Variants in DCLK3 observed in about 807,000 individuals in gnomAD.
The protein encoded by DCLK3 is doublecortin like kinase 3, also known as serine/threonine-protein kinase DCLK3.
In DCLK3, 30 loss-of-function variants were observed where a neutral mutation model predicts 46.4. That is an observed-to-expected ratio of 0.65 (90% CI 0.48 to 0.88). The LOEUF is 0.88. Among genes scored for constraint, DCLK3 ranks in the 40% least tolerant of loss-of-function variants. The pLI is 0.00. For synonymous variants in DCLK3, 401 were observed against 339.2 expected, an observed-to-expected ratio of 1.18 and a Z score of -2.00; for missense variants, 846 against 907.1, an observed-to-expected ratio of 0.93 and a Z score of 0.87.
At chr3:36,752,730 T>C (rs953618382) in intron 1 of DCLK3, among the ~76,000 whole-genome samples, 3 of 152,208 alleles carry the variant, frequency 2.0e-5, no homozygotes, top group African/African-American at 7.2e-5. Flanking sequence ...CTCACCAGTC[T>C]GGTTTCTTTC....
rs770602955 is a variant in DCLK3, at chr3:36,737,938, T to C, written c.1229A>G (p.Lys410Arg). ...AACTTCCACAAGGTCCTTCTTGGCC[T>C]TGGCTGCTCCCTGAGCATGGCTTTC... ...DQESHAQGAA[K>R]AKKDLVEVLP... is the part of the protein sequence containing the mutation. Residue 410 changes from lysine to arginine, a missense_variant, in exon 2 of 5, where the codon AAG becomes AGG. Physicochemically the swap from Lys to Arg is conservative, Grantham distance 26. This residue lies in a region of DCLK3 where 553 missense variants were observed against 543.0 expected (regional missense o/e 1.02). Coordinates refer to ENST00000636136, the MANE Select transcript of DCLK3 (RefSeq NM_001394672.2). The surrounding 1 kb of genome is among the most constrained non-coding windows in gnomAD (Gnocchi z 4.4). 4 of 1,614,182 alleles carry C rather than the reference T, an allele frequency of 2.5e-6. No individual in the cohort carries two copies. In the South Asian group the frequency reaches 3.3e-5, roughly 13 times the overall value.
At chr3:36,757,408 A>G (rs1188940127) in intron 1 of DCLK3, among the ~76,000 whole-genome samples, 2 of 152,218 alleles carry the variant, frequency 1.3e-5, no homozygotes, top group African/African-American at 4.8e-5. Context: ...ATCTCACATT[A>G]TATGGCATGA....
At chr3:36,759,530 G>C (rs1167536333) in intron 1 of DCLK3, among the ~76,000 whole-genome samples, 1 of 152,202 alleles carries the variant, frequency 6.6e-6, no homozygotes, top group Non-Finnish European at 1.5e-5. Flanking sequence ...CTACCAAGAT[G>C]ATGAAGTTGA....
At position 36,713,675 on chromosome 3, in the gene DCLK3, G is replaced by A. The variant is rs942684618; in HGVS notation, c.*1653C>T. The A allele has an allele frequency of 2.6e-5, 4 of 152,256 alleles. No homozygotes were observed. The highest frequency in any genetic ancestry group is 9.7e-5 in the African/African-American group (4 of 41,448). 9.4% of individuals were successfully genotyped at this position (152,256 alleles called of 1,614,324 possible). On this transcript the variant is annotated 3_prime_UTR_variant, in exon 5 of 5. Transcript: ENST00000636136. The stretch of plus-strand genomic sequence containing the variant: ...AGATTAGCATCCAAAAGGCTTATTA[G>A]GGAGTGGTCTCAGGATCATTACCTC...
Position 36,729,490 on chromosome 3 carries a change from G to T in DCLK3, c.1959+7718C>A, listed in dbSNP as rs979224247. ...CAGCCACACCAAAGTGTCATGCTTG[G>T]AATTCAAGTGGTCTACATTATTTAC... On this transcript the variant is annotated intron_variant, in intron 2 of 4. Transcript: ENST00000636136. 4.7e-4 allele frequency among the ~76,000 whole-genome samples: 72 copies of T among 152,174 alleles called. 1 individual carries two copies. The highest frequency in any genetic ancestry group is 1.6e-3 in the African/African-American group (67 of 41,428).
Position 36,738,826 on chromosome 3 carries a change from A to G in DCLK3, c.341T>C (p.Leu114Pro). The G allele has an allele frequency of 1.2e-6, 1 of 856,842 alleles. No homozygotes were observed. 53.1% of individuals were successfully genotyped at this position (856,842 alleles called of 1,614,324 possible). The change falls in exon 2 of 5, where the codon CTC (leucine) becomes CCC (proline). Residue 114 changes from leucine to proline, a missense_variant. By Grantham distance (98) the Leu-to-Pro change is moderately conservative. Coordinates refer to ENST00000636136, the MANE Select transcript of DCLK3 (RefSeq NM_001394672.2). ...GQRPRKITLLLNRRSVQTFEQ... is the reference protein window; with the variant it reads ...GQRPRKITLLPNRRSVQTFEQ... Reference sequence around the variant, plus strand: ...GAACGTCTGCACTGATCGCCTGTTGAGGAGCAGAGTGATCTTTCGGGGGCG... The same window carrying G: ...GAACGTCTGCACTGATCGCCTGTTGGGGAGCAGAGTGATCTTTCGGGGGCG...
At chr3:36,728,526 G>GTC (rs1486775397) in intron 2 of DCLK3, among the ~76,000 whole-genome samples, 5 of 151,536 alleles carry the variant, frequency 3.3e-5, no homozygotes, top group African/African-American at 4.8e-5. Flanking sequence ...GTGTCTCTCT[G>GTC]TCTCTCTCTC....
intron 2 of DCLK3, among the ~76,000 whole-genome samples, chr3:36,725,512 G>A (rs929164737): frequency 6.6e-6 from 1 of 152,086 alleles, no homozygotes; most frequent in African/African-American, 2.4e-5. Flanking sequence ...AGCTACTTGG[G>A]AGGCTGAGGT....
intron 1 of DCLK3, among the ~76,000 whole-genome samples, chr3:36,762,282 T>C (rs1430626403): frequency 6.6e-6 from 1 of 152,178 alleles, no homozygotes; most frequent in Non-Finnish European, 1.5e-5. Context: ...TTGGATAACA[T>C]AGGAAGAATA....
At chr3:36,743,924 C>A (rs36107363) in intron 1 of DCLK3, among the ~76,000 whole-genome samples, 17 of 152,170 alleles carry the variant, frequency 1.1e-4, no homozygotes, top group South Asian at 2.1e-4. Flanking sequence ...TCTCTGTCCT[C>A]GTAAGTTCGC....
Position 36,729,246 on chromosome 3 carries a change from TG to T in DCLK3, c.1960-7588del, listed in dbSNP as rs1193001094. Among the ~76,000 whole-genome samples, 31 of 42,030 alleles carry T rather than the reference TG, an allele frequency of 7.4e-4. 1 individual carries two copies. Among genetic ancestry groups the T allele is most frequent in the South Asian group, 2.3e-3 (3 of 1,294 alleles). 27.6% of individuals were successfully genotyped at this position (42,030 alleles called of 152,430 possible). On this transcript the variant is annotated intron_variant, in intron 2 of 4. Coordinates refer to ENST00000636136, the MANE Select transcript of DCLK3 (RefSeq NM_001394672.2). The stretch of plus-strand genomic sequence containing the variant: ...AGGGTTTTCCCGGGTTGTGTGTGTG[TG>T]TGGGGGGGGGGGGTACAAAAGCCCC...
At chr3:36,717,691 C>T (rs1701001785) in intron 4 of DCLK3, among the ~76,000 whole-genome samples, 1 of 152,216 alleles carries the variant, frequency 6.6e-6, no homozygotes, top group African/African-American at 2.4e-5. Flanking sequence ...ACAAACACTT[C>T]TGCATATAAG....
At chr3:36,717,897 A>G (rs1430806617) in intron 4 of DCLK3, 113 bp downstream of exon 4, 1 of 1,364,628 alleles carries the variant, frequency 7.3e-7, no homozygotes, top group African/African-American at 1.4e-5. Context: ...AAAGGCTGAG[A>G]CATGACATGT....
rs376770547 is a variant in DCLK3 at position 36,737,258 on chromosome 3, T to G, written c.1909A>C (p.Met637Leu). 1.7e-5 allele frequency: 27 copies of G among 1,614,074 alleles called. No individual in the cohort carries two copies. Among genetic ancestry groups the G allele is most frequent in the Non-Finnish European group, 2.2e-5 (26 of 1,180,038 alleles). ...CGGTGGACAATGCTCTTGTCGTGCA[T>G]GTGGACGAGGGCTTTGCATAAGTCC... ...IMDLCKALVH[M>L]HDKSIVHRDL... is the part of the protein sequence containing the mutation. Residue 637 changes from methionine to leucine, a missense_variant, in exon 2 of 5, where the codon ATG becomes CTG. Around this residue, in one of 3 missense-constraint regions of DCLK3, gnomAD observed 247 missense variants for 322.8 expected, o/e 0.77. Transcript: ENST00000636136. The surrounding 1 kb of genome is among the most constrained non-coding windows in gnomAD (Gnocchi z 4.4).
intron 3 of DCLK3, among the ~76,000 whole-genome samples, chr3:36,718,675 G>A (rs939343992): frequency 2.0e-5 from 3 of 152,158 alleles, no homozygotes; most frequent in Admixed American, 6.5e-5. Flanking sequence ...GAGGTAGTTA[G>A]AGAAGCCCCA....
Position 36,716,286 on chromosome 3 carries a change from T to C in DCLK3, c.2261-765A>G, listed in dbSNP as rs1197347230. ...ACAAGAAGAAAACATCCACTTTTTG[T>C]TGTTGTTATTTTTTGCCTTTATTGA... On this transcript the variant is annotated intron_variant, in intron 4 of 4. Coordinates refer to ENST00000636136, the MANE Select transcript of DCLK3 (RefSeq NM_001394672.2). Among the ~76,000 whole-genome samples, 3 of 152,052 alleles carry C rather than the reference T, an allele frequency of 2.0e-5. No homozygotes were observed. In the East Asian group the frequency reaches 5.8e-4, roughly 29 times the overall value.
At chr3:36,750,587 A>C (rs1347423751) in intron 1 of DCLK3, among the ~76,000 whole-genome samples, 1 of 152,214 alleles carries the variant, frequency 6.6e-6, no homozygotes, top group Non-Finnish European at 1.5e-5. Context: ...TTTTGTAAAC[A>C]AAAGTAACAC....
At chr3:36,730,623 G>A (rs1701188262) in intron 2 of DCLK3, among the ~76,000 whole-genome samples, 2 of 152,138 alleles carry the variant, frequency 1.3e-5, no homozygotes, top group Non-Finnish European at 2.9e-5. Flanking sequence ...ATGGCTATTG[G>A]TTTTTACATG....
rs1255002097 is a variant in DCLK3 at position 36,737,582 on chromosome 3, G to A, written c.1585C>T (p.Arg529Trp). Residue 529 changes from arginine (R) to tryptophan (W), a missense_variant, in exon 2 of 5, where the codon CGG (arginine) becomes TGG (tryptophan). Arg to Trp is a moderately radical substitution (Grantham distance 101). Around this residue, in one of 3 missense-constraint regions of DCLK3, gnomAD observed 553 missense variants for 543.0 expected, o/e 1.02. Coordinates refer to ENST00000636136, the MANE Select transcript of DCLK3 (RefSeq NM_001394672.2). This position sits in a 1 kb window ranked among gnomAD's most constrained non-coding sequence, Gnocchi z 4.4. ...GCAAAGTTCCCATCCCCAATGACCC[G>A]GCCAGTCTCATAATGCTTTTCCACA... Reference protein sequence around the residue: ...ANVEKHYETGRVIGDGNFAVV... With the variant: ...ANVEKHYETGWVIGDGNFAVV... 4.3e-6 allele frequency: 7 copies of A among 1,614,090 alleles called. No individual in the cohort carries two copies. The East Asian group carries it at 6.7e-5, about 15-fold the overall frequency.
Sources: allele counts gnomAD v4.1 joint callset (sites outside exome capture counted in the v4.1 genomes callset), GRCh38; gene constraint gnomAD v4.1.1; regional missense constraint gnomAD v4.1.1; non-coding constraint Gnocchi (gnomAD v3.1); transcripts MANE v1.5; gene names NCBI Gene and HGNC (gene_info 2026-07-23, HGNC 2026-07-21).